Variants in DCLK1 observed in about 807,000 individuals in gnomAD.
DCLK1 encodes serine/threonine-protein kinase DCLK1.
Under a neutral mutation model 86.2 loss-of-function variants are expected in DCLK1, and 16 were observed. The observed-to-expected ratio is 0.19, with a 90% CI of 0.13 to 0.28. The LOEUF (loss-of-function observed/expected upper bound fraction) is 0.28, where lower values mean the gene tolerates loss of function less well. Among genes scored for constraint, DCLK1 ranks in the 10% least tolerant of loss-of-function variants. The pLI, the probability that DCLK1 is intolerant of heterozygous loss-of-function variation, is 1.00. For synonymous variants in DCLK1, 369 were observed against 370.5 expected (o/e 1.00, Z 0.05); for missense variants, 590 against 940.2 (o/e 0.63, Z 4.87).
chr13:36,130,900 G>A (rs1886340361), intron 1 of DCLK1, among the ~76,000 whole-genome samples: 1 of 152,160 alleles, frequency 6.6e-6, no homozygotes, highest in Non-Finnish European at 1.5e-5. Context: ...GGTGCCAGCA[G>A]CCCCGGGGCC....
chr13:35,825,228 A>G (rs1020929766), intron 10 of DCLK1, among the ~76,000 whole-genome samples: 1 of 152,162 alleles, frequency 6.6e-6, no homozygotes, highest in African/African-American at 2.4e-5. Context: ...CACATGTCTC[A>G]GTGGAAAAGT....
rs962016144 is a variant in DCLK1 at position 35,772,817 on chromosome 13, G to A, written c.*1718C>T. On this transcript the variant is annotated 3_prime_UTR_variant, in exon 17 of 17. Transcript: ENST00000360631. Reference sequence around the variant, plus strand: ...ATGTGATTTAAAAATCCATATTAATGTAGACCATAGTTTCAGGGTTGAAGA... The same window carrying A: ...ATGTGATTTAAAAATCCATATTAATATAGACCATAGTTTCAGGGTTGAAGA... 6.6e-6 allele frequency: 1 copy of A among 152,162 alleles called. No individual in the cohort carries two copies. Among genetic ancestry groups the A allele is most frequent in the African/African-American group, 2.4e-5 (1 of 41,404 alleles). 9.4% of individuals were successfully genotyped at this position (152,162 alleles called of 1,614,324 possible).
At chr13:36,091,052 A>G (rs1884808924) in intron 3 of DCLK1, among the ~76,000 whole-genome samples, 1 of 152,098 alleles carries the variant, frequency 6.6e-6, no homozygotes, top group Non-Finnish European at 1.5e-5. Context: ...TTTCCTGTAA[A>G]TTTGTTTAAG....
In DCLK1 at chr13:35,771,722, G is replaced by C. The variant is rs1015280461; in HGVS notation, c.*2813C>G. The C allele has an allele frequency of 6.6e-6, 1 of 152,130 alleles. No homozygotes were observed. The highest frequency in any genetic ancestry group is 1.5e-5 in the Non-Finnish European group (1 of 68,022). 9.4% of individuals were successfully genotyped at this position (152,130 alleles called of 1,614,324 possible). A position where few individuals can be genotyped will look rare whatever the true frequency, so the allele number is the denominator to read the frequency against. On this transcript the variant is annotated 3_prime_UTR_variant, in exon 17 of 17. Transcript: ENST00000360631. ...CCCCATCACCAGGCCACCACCATAA[G>C]AGAGCTATATTAAATACTTGGGAAA...
intron 4 of DCLK1, among the ~76,000 whole-genome samples, chr13:35,902,199 C>A (rs914383958): frequency 1.3e-5 from 2 of 152,118 alleles, no homozygotes; most frequent in Non-Finnish European, 2.9e-5. Context: ...ACTGACTTGC[C>A]CACAGTTAAA....
At chr13:35,914,305 G>A (rs187229955) in intron 4 of DCLK1, among the ~76,000 whole-genome samples, 2,079 of 126,676 alleles carry the variant, frequency 0.016, 28 homozygotes, top group Middle Eastern at 0.038. Flanking sequence ...GGCAACAGAG[G>A]GGAGACCTTA....
At chr13:36,042,833 G>T (rs559245427) in intron 3 of DCLK1, among the ~76,000 whole-genome samples, 4 of 152,154 alleles carry the variant, frequency 2.6e-5, no homozygotes, top group Non-Finnish European at 4.4e-5. Flanking sequence ...TTTTTTGTCT[G>T]TTCTGTTCCA....
At chr13:35,902,050 C>A (rs1874398879) in intron 4 of DCLK1, among the ~76,000 whole-genome samples, 1 of 152,146 alleles carries the variant, frequency 6.6e-6, no homozygotes, top group South Asian at 2.1e-4. Context: ...TGTTCTTTAT[C>A]ATAGTCAACA....
intron 3 of DCLK1, among the ~76,000 whole-genome samples, chr13:36,068,334 T>C (rs1183047585): frequency 6.6e-6 from 1 of 152,132 alleles, no homozygotes; most frequent in Non-Finnish European, 1.5e-5. Context: ...AAGTTAAAAA[T>C]AAGAGGCCAT....
In DCLK1 at chr13:35,947,432, C is replaced by A; in HGVS notation, c.749G>T (p.Gly250Val). ...ACATGCAATAAAAATGTCATCATCA[C>A]CAAAAAAGTCCTGAAGGCACATCAC... ...KQVMCLQDFF[G>V]DDDIFIACGP... Residue 250 changes from glycine to valine, a missense_variant, in exon 4 of 17, where the codon GGT becomes GTT. Gly to Val is a moderately radical substitution (Grantham distance 109). Coordinates refer to ENST00000360631, the MANE Select transcript of DCLK1 (RefSeq NM_001330071.2). 1 of 1,613,710 alleles carries A rather than the reference C, an allele frequency of 6.2e-7. No homozygotes were observed. Among genetic ancestry groups the A allele is most frequent in the South Asian group, 1.1e-5 (1 of 91,062 alleles).
chr13:36,051,008 G>C (rs937084950), intron 3 of DCLK1, among the ~76,000 whole-genome samples: 2 of 152,192 alleles, frequency 1.3e-5, no homozygotes, highest in African/African-American at 4.8e-5. Flanking sequence ...ATCAGCCAAT[G>C]AGAAGTGATG....
chr13:35,816,614 T>C (rs2087272230), intron 11 of DCLK1, among the ~76,000 whole-genome samples: 1 of 152,122 alleles, frequency 6.6e-6, no homozygotes, highest in Non-Finnish European at 1.5e-5. Flanking sequence ...GATGAGAAAA[T>C]TGAGATTCGA....
At chr13:35,927,808 G>A (rs1009024786) in intron 4 of DCLK1, among the ~76,000 whole-genome samples, 1 of 152,160 alleles carries the variant, frequency 6.6e-6, no homozygotes, top group African/African-American at 2.4e-5. Flanking sequence ...CTGACCTCTG[G>A]AGACTCAGTT....
intron 3 of DCLK1, among the ~76,000 whole-genome samples, chr13:36,071,313 T>C (rs145232846): frequency 7.0e-4 from 106 of 152,260 alleles, no homozygotes; most frequent in African/African-American, 2.1e-3. Context: ...TACAACTTCA[T>C]TTTAAATAAA....
At chr13:36,062,453 C>T (rs1232231997) in intron 3 of DCLK1, among the ~76,000 whole-genome samples, 2 of 152,126 alleles carry the variant, frequency 1.3e-5, no homozygotes, top group African/African-American at 4.8e-5. Context: ...GAACAACCCA[C>T]CTGTTACCCT....
At chr13:35,828,343 T>G (rs200869776) in intron 8 of DCLK1, 36 bp from the exon 9 acceptor site, 1 of 1,530,612 alleles carries the variant, frequency 6.5e-7, no homozygotes, top group East Asian at 2.3e-5. Flanking sequence ...AAAATGAAAC[T>G]TAACTTCAAA....
At chr13:36,013,467 G>GTCCAAAGC (rs1881379292) in intron 3 of DCLK1, among the ~76,000 whole-genome samples, 2 of 152,134 alleles carry the variant, frequency 1.3e-5, no homozygotes, top group African/African-American at 4.8e-5. Context: ...TCAGCTGCAG[G>GTCCAAAGC]TCTTTTGGAA....
chr13:35,976,239 G>A (rs1020110012), intron 3 of DCLK1, among the ~76,000 whole-genome samples: 1 of 152,170 alleles, frequency 6.6e-6, no homozygotes, highest in Non-Finnish European at 1.5e-5. Flanking sequence ...AGTCCAGGAA[G>A]GGCGTGGGCA....
chr13:35,776,608 G>A (rs570535121), intron 16 of DCLK1, among the ~76,000 whole-genome samples: 1 of 152,304 alleles, frequency 6.6e-6, no homozygotes, highest in Middle Eastern at 3.4e-3. Flanking sequence ...TCACAGAGTT[G>A]CTGTAGGTAG....
Sources: gnomAD v4.1 joint callset for allele counts (sites outside exome capture counted in the v4.1 genomes callset) on GRCh38, gnomAD v4.1.1 for gene constraint, MANE v1.5 for transcripts, NCBI Gene and HGNC (gene_info 2026-07-23, HGNC 2026-07-21) for gene names.